LRRIQ1: variants seen among roughly 807,000 people sequenced by gnomAD.
LRRIQ1 encodes leucine rich repeats and IQ motif containing 1.
Under a neutral mutation model 211.9 loss-of-function variants are expected in LRRIQ1, and 210 were observed. The observed-to-expected ratio is 0.99, with a 90% CI of 0.89 to 1.11. The LOEUF is 1.11. Ranked by LOEUF, LRRIQ1 falls within the 50% of genes most tolerant of loss-of-function variation. The probability of loss-of-function intolerance (pLI) is 0.00; values close to 1 mark genes in which losing one functional copy is unlikely to be tolerated. For missense variants in LRRIQ1, 2,136 were observed against 1,939.5 expected, an observed-to-expected ratio of 1.10 and a Z score of -1.90; for synonymous variants, 699 against 650.1, an observed-to-expected ratio of 1.08 and a Z score of -1.14.
intron 11 of LRRIQ1, among the ~76,000 whole-genome samples, chr12:85,092,148 A>C (rs1885459419): frequency 1.3e-5 from 2 of 152,212 alleles, no homozygotes; most frequent in African/African-American, 4.8e-5. Flanking sequence ...TTTTGACTGC[A>C]CAGAGATCAT....
intron 11 of LRRIQ1, among the ~76,000 whole-genome samples, chr12:85,095,954 T>A (rs1885840272): frequency 6.6e-6 from 1 of 152,114 alleles, no homozygotes. Context: ...TGAATAGAAT[T>A]ATTTATACTA....
chr12:85,119,654 A>G (rs997762760), intron 15 of LRRIQ1, among the ~76,000 whole-genome samples: 17 of 152,092 alleles, frequency 1.1e-4, no homozygotes, highest in Admixed American at 2.6e-4. Flanking sequence ...CTCTTGCTCT[A>G]TATCTTCACC....
chr12:85,243,322 A>ATTC (rs1347602113), intron 26 of LRRIQ1, among the ~76,000 whole-genome samples: 1 of 128,558 alleles, frequency 7.8e-6, no homozygotes, highest in Non-Finnish European at 1.5e-5. Context: ...TTTTATTATT[A>ATTC]TTATTATTAT....
In LRRIQ1 at chr12:85,082,279, C is replaced by CG. The variant is rs200502431; in HGVS notation, c.2887+9183dup. On this transcript the variant is annotated intron_variant, in intron 11 of 26. Coordinates refer to ENST00000393217, the MANE Select transcript of LRRIQ1 (RefSeq NM_001079910.2). The stretch of plus-strand genomic sequence containing the variant: ...TCACCAATGCAGTTAAGAATGCTAT[C>CG]GGTTATTTTTGGACTTTTGAGGATA... 2.0e-3 allele frequency among the ~76,000 whole-genome samples: 310 copies of CG among 152,128 alleles called. No individual in the cohort carries two copies. The Middle Eastern group carries it at 0.041, about 20-fold the overall frequency.
intron 24 of LRRIQ1, among the ~76,000 whole-genome samples, chr12:85,203,254 G>A (rs956527933): frequency 2.6e-5 from 4 of 152,150 alleles, no homozygotes; most frequent in African/African-American, 9.7e-5. Flanking sequence ...TGCTATGATT[G>A]TGAGGTTTCC....
chr12:85,217,149 TATC>T (rs1042184711), intron 24 of LRRIQ1, among the ~76,000 whole-genome samples: 14 of 151,856 alleles, frequency 9.2e-5, no homozygotes, highest in Non-Finnish European at 1.8e-4. Flanking sequence ...ATACAAAAAT[TATC>T]ATAGGCAGAA....
rs1349685436 is a variant in LRRIQ1, at chr12:85,036,410, G to A, written c.-25+3G>A. The A allele has an allele frequency of 1.3e-5, 2 of 152,320 alleles. No homozygotes were observed. Among genetic ancestry groups the A allele is most frequent in the Non-Finnish European group, 2.9e-5 (2 of 68,162 alleles). 9.4% of individuals were successfully genotyped at this position (152,320 alleles called of 1,614,324 possible). ...CCAAGGAATCTCGCTGCTGAGGGGT[G>A]AGCCGGGGTCTTAAGACTGGGATTC... On this transcript the variant is annotated splice_donor_region_variant and intron_variant, in intron 1 of 26. Coordinates refer to ENST00000393217, the MANE Select transcript of LRRIQ1 (RefSeq NM_001079910.2).
At chr12:85,196,533 A>G (rs1203103159) in intron 24 of LRRIQ1, among the ~76,000 whole-genome samples, 31 of 150,758 alleles carry the variant, frequency 2.1e-4, no homozygotes, top group East Asian at 5.9e-4. Flanking sequence ...CATATCTACA[A>G]CTATCTGATC....
exon 2 of LRRIQ1, chr12:85,263,020 G>A (rs1369393711): frequency 1.2e-5 from 12 of 987,980 alleles, no homozygotes; most frequent in Non-Finnish European, 1.4e-5. Context: ...CTCAGTGGTG[G>A]ATGGGGAAGT....
intron 24 of LRRIQ1, among the ~76,000 whole-genome samples, chr12:85,177,046 C>A (rs1247444751): frequency 1.3e-5 from 2 of 152,064 alleles, no homozygotes; most frequent in African/African-American, 4.8e-5. Flanking sequence ...CTAAACCTTC[C>A]TGTACTTGAT....
chr12:85,204,339 G>A (rs1385720812), intron 24 of LRRIQ1, among the ~76,000 whole-genome samples: 2 of 152,190 alleles, frequency 1.3e-5, no homozygotes, highest in East Asian at 1.9e-4. Flanking sequence ...GGAAATGTGA[G>A]GTCAGAGTCC....
rs1892910381 is a variant in LRRIQ1, at chr12:85,196,342, G to A, written c.4823-33175G>A. On this transcript the variant is annotated intron_variant, in intron 24 of 26. Coordinates refer to ENST00000393217, the MANE Select transcript of LRRIQ1 (RefSeq NM_001079910.2). ...AAAAAACTACTTTAAAGTTGATATG[G>A]AATCAAAAAAGAGCCCACATCGCCA... is the stretch of plus-strand genomic sequence containing the variant. Among the ~76,000 whole-genome samples, 9 of 152,160 alleles carry A rather than the reference G, an allele frequency of 5.9e-5. No homozygotes were observed. In the South Asian group the frequency reaches 1.9e-3, roughly 32 times the overall value.
intron 14 of LRRIQ1, among the ~76,000 whole-genome samples, chr12:85,106,286 G>A (rs528194779): frequency 1.3e-5 from 2 of 152,186 alleles, no homozygotes; most frequent in Non-Finnish European, 2.9e-5. Context: ...ATATGAACCC[G>A]AATTGTAAAG....
intron 25 of LRRIQ1, among the ~76,000 whole-genome samples, chr12:85,231,844 A>T (rs573777395): frequency 6.6e-5 from 10 of 152,196 alleles, no homozygotes; most frequent in Admixed American, 3.3e-4. Flanking sequence ...AGTTTCCAGC[A>T]CCCAACGTTG....
chr12:85,141,347 G>A (rs1889519141), intron 19 of LRRIQ1, among the ~76,000 whole-genome samples: 1 of 151,094 alleles, frequency 6.6e-6, no homozygotes, highest in South Asian at 2.1e-4. Context: ...ATTGAGAGAG[G>A]AGTGCTAAAA....
At chr12:85,226,611 A>G (rs1894667731) in intron 24 of LRRIQ1, among the ~76,000 whole-genome samples, 1 of 142,576 alleles carries the variant, frequency 7.0e-6, no homozygotes, top group Non-Finnish European at 1.5e-5. Context: ...TACATGTGCC[A>G]TGTTGGTGTG....
intron 24 of LRRIQ1, among the ~76,000 whole-genome samples, chr12:85,167,820 T>A (rs1047415718): frequency 2.0e-5 from 3 of 152,110 alleles, no homozygotes; most frequent in African/African-American, 7.2e-5. Context: ...CCCATTCACA[T>A]GTCCTGACAT....
chr12:85,123,680 T>A (rs1410764092), intron 16 of LRRIQ1, among the ~76,000 whole-genome samples: 1 of 152,174 alleles, frequency 6.6e-6, no homozygotes, highest in Non-Finnish European at 1.5e-5. Flanking sequence ...ATATTTTGCG[T>A]GGCAAAAGTC....
At position 85,047,420 on chromosome 12, in the gene LRRIQ1, T is replaced by C. The variant is rs966728709; in HGVS notation, c.628T>C (p.Trp210Arg). The C allele has an allele frequency of 6.1e-5, 98 of 1,613,282 alleles. No homozygotes were observed. The highest frequency in any genetic ancestry group is 8.0e-5 in the Non-Finnish European group (94 of 1,179,626). Residue 210 changes from tryptophan (W) to arginine (R), a missense_variant, in exon 6 of 27, where the codon TGG becomes CGG. Physicochemically the swap from Trp to Arg is moderately radical, Grantham distance 101. Transcript: ENST00000393217. ...FQEEEEKRHC[W>R]MKQFKVEKKK... ...AGAAGAAGAAGAAAAGCGACATTGCTGGATGAAACAATTTAAAGTTGAAAA... is the reference window on the plus strand; with the variant it reads ...AGAAGAAGAAGAAAAGCGACATTGCCGGATGAAACAATTTAAAGTTGAAAA...
Sources: gnomAD v4.1 joint callset for allele counts (sites outside exome capture counted in the v4.1 genomes callset) on GRCh38, gnomAD v4.1.1 for gene constraint, MANE v1.5 for transcripts, NCBI Gene and HGNC (gene_info 2026-07-23, HGNC 2026-07-21) for gene names.